The following NEIL3 variants were observed in gnomAD, a reference collection of about 807,000 sequenced individuals.
NEIL3 encodes the protein nei like DNA glycosylase 3.
A neutral mutation model predicts 57.5 loss-of-function variants in NEIL3; 48 were observed. That is an observed-to-expected ratio of 0.83 (90% CI 0.66 to 1.06). The LOEUF (loss-of-function observed/expected upper bound fraction) is 1.06, where lower values mean the gene tolerates loss of function less well. NEIL3 is among the 50% of genes least tolerant of loss of function. The pLI, the probability that NEIL3 is intolerant of heterozygous loss-of-function variation, is 0.00. For synonymous variants in NEIL3, 261 were observed against 253.2 expected (o/e 1.03, Z -0.29); for missense variants, 717 against 739.1 (o/e 0.97, Z 0.35).
chr4:177,341,365 T>C, intron 5 of NEIL3, 111 bp from the exon 6 acceptor site: 1 of 774,316 alleles, frequency 1.3e-6, no homozygotes, highest in Non-Finnish European at 2.0e-6. Context: ...TACAAACATA[T>C]GTAAATTTTT....
the NEIL3 span, among the ~76,000 whole-genome samples, chr4:177,369,263 A>C: frequency 6.6e-6 from 1 of 152,216 alleles, no homozygotes; most frequent in East Asian, 1.9e-4. Context: ...GAGGATTTGC[A>C]TACGTAGAAG....
intron 6 of NEIL3, among the ~76,000 whole-genome samples, chr4:177,349,184 G>C (rs922190157): frequency 1.3e-5 from 2 of 151,640 alleles, no homozygotes; most frequent in Non-Finnish European, 2.9e-5. Context: ...GCCCGGCCTC[G>C]TGGGTCATGA....
At chr4:177,336,532 C>T (rs1734983556) in intron 4 of NEIL3, among the ~76,000 whole-genome samples, 1 of 152,166 alleles carries the variant, frequency 6.6e-6, no homozygotes, top group Admixed American at 6.5e-5. Context: ...CCTCCCACTC[C>T]ACATTTCACT....
chr4:177,324,950 CAGATAGATAGATAGAT>C (rs56773423), intron 2 of NEIL3, among the ~76,000 whole-genome samples: 206 of 149,450 alleles, frequency 1.4e-3, no homozygotes, highest in Non-Finnish European at 2.4e-3. Context: ...ATTTAAAAAA[CAGATAGATAGATAGAT>C]AGATAGATAG....
chr4:177,365,037 CTT>C (rs963957919), downstream of NEIL3, among the ~76,000 whole-genome samples: 2 of 152,152 alleles, frequency 1.3e-5, no homozygotes, highest in Admixed American at 6.5e-5. Flanking sequence ...CATCAACACT[CTT>C]TAGAAGACTA....
chr4:177,360,494 T>C lies in NEIL3; in HGVS notation c.1461-9T>C. On this transcript the variant is annotated splice_polypyrimidine_tract_variant and intron_variant, in intron 8 of 9. Transcript: ENST00000264596. ...TATGCTGTACTTATTTTGTAACCTG[T>C]CATTACAGTGAACTTCAAATTAATA... is the stretch of plus-strand genomic sequence containing the variant. 1 of 1,611,486 alleles carries C rather than the reference T, an allele frequency of 6.2e-7. No homozygotes were observed. The highest frequency in any genetic ancestry group is 8.5e-7 in the Non-Finnish European group (1 of 1,178,250).
At chr4:177,338,142 A>T (rs1735015300) in intron 4 of NEIL3, among the ~76,000 whole-genome samples, 1 of 152,212 alleles carries the variant, frequency 6.6e-6, no homozygotes, top group Admixed American at 6.5e-5. Context: ...TTAATATAGT[A>T]TGTAAGATTT....
chr4:177,342,281 C>G (rs1327663427), intron 6 of NEIL3, among the ~76,000 whole-genome samples: 3 of 152,144 alleles, frequency 2.0e-5, no homozygotes, highest in African/African-American at 7.2e-5. Flanking sequence ...CTTGAAAAGT[C>G]TGATTATTTT....
intron 1 of NEIL3, among the ~76,000 whole-genome samples, chr4:177,311,297 A>G (rs557355930): frequency 4.9e-4 from 74 of 152,242 alleles, no homozygotes; most frequent in African/African-American, 1.7e-3. Flanking sequence ...AGAAATATAA[A>G]TTAATAAGTT....
downstream of NEIL3, among the ~76,000 whole-genome samples, chr4:177,367,210 A>AC: frequency 6.7e-6 from 1 of 149,784 alleles, no homozygotes; most frequent in Non-Finnish European, 1.5e-5. Flanking sequence ...TTGACAGGTG[A>AC]TTTTTTTCTC....
chr4:177,353,765 C>CTTT (rs377620463), intron 8 of NEIL3, 37 bp downstream of exon 8: 116 of 1,214,696 alleles, frequency 9.5e-5, no homozygotes, highest in Middle Eastern at 5.6e-4. Context: ...AAGATAATTG[C>CTTT]TTTTTTTTTT....
chr4:177,317,676 A>G (rs1021410598), intron 1 of NEIL3, among the ~76,000 whole-genome samples: 1 of 131,980 alleles, frequency 7.6e-6, no homozygotes, highest in African/African-American at 3.0e-5. Flanking sequence ...AGATCAGCTC[A>G]CTGCAGCCTC....
intron 7 of NEIL3, among the ~76,000 whole-genome samples, chr4:177,351,867 C>T (rs1390099536): frequency 6.6e-6 from 1 of 152,142 alleles, no homozygotes; most frequent in African/African-American, 2.4e-5. Flanking sequence ...CAGATTTCAG[C>T]AACTTTCGAG....
intron 1 of NEIL3, among the ~76,000 whole-genome samples, chr4:177,316,119 T>C (rs1734569636): frequency 6.6e-6 from 1 of 152,146 alleles, no homozygotes; most frequent in African/African-American, 2.4e-5. Flanking sequence ...CAATAACTAA[T>C]AATAGAACAG....
At chr4:177,350,033 T>TAAA (rs1470953128) in intron 6 of NEIL3, among the ~76,000 whole-genome samples, 1 of 152,204 alleles carries the variant, frequency 6.6e-6, no homozygotes, top group Non-Finnish European at 1.5e-5. Flanking sequence ...TGAGTGGCAT[T>TAAA]AAAAGTCAAG....
chr4:177,343,829 T>C (rs1352536970), intron 6 of NEIL3: 2 of 151,800 alleles, frequency 1.3e-5, no homozygotes, highest in East Asian at 3.9e-4. Context: ...ACTTTCATAG[T>C]TTTTTATGAA....
At chr4:177,347,357 C>G (rs900365247) in intron 6 of NEIL3, among the ~76,000 whole-genome samples, 4 of 152,152 alleles carry the variant, frequency 2.6e-5, no homozygotes, top group Non-Finnish European at 4.4e-5. Context: ...AAGGAGCATG[C>G]AGAGTCGGCT....
In NEIL3 at chr4:177,360,601, G is replaced by A. The variant is rs750608109; in HGVS notation, c.1559G>A (p.Gly520Glu). Residue 520 changes from glycine to glutamate, a missense_variant, in exon 9 of 10, where the codon GGG becomes GAG. Physicochemically the swap from Gly to Glu is moderately conservative, Grantham distance 98. Transcript: ENST00000264596. ...HNRLCILRVVGKDGENKGRQF... is the reference protein window; with the variant it reads ...HNRLCILRVVEKDGENKGRQF... ...CGCCTCTGCATTCTCCGAGTTGTGG[G>A]GAAGGATGGGGAAAACAAGGGCAGG... 1 of 1,614,082 alleles carries A rather than the reference G, an allele frequency of 6.2e-7. No individual in the cohort carries two copies. Among genetic ancestry groups the A allele is most frequent in the Non-Finnish European group, 8.5e-7 (1 of 1,179,938 alleles).
At chr4:177,364,870 G>T (rs528146011), downstream of NEIL3, among the ~76,000 whole-genome samples, 63 of 151,582 alleles carry the variant, frequency 4.2e-4, no homozygotes, top group Non-Finnish European at 7.8e-4. Context: ...GGAGGTTGCA[G>T]TGAGCTGAGA....
Sources: allele counts gnomAD v4.1 joint callset (sites outside exome capture counted in the v4.1 genomes callset), GRCh38; gene constraint gnomAD v4.1.1; transcripts MANE v1.5; gene names NCBI Gene and HGNC (gene_info 2026-07-23, HGNC 2026-07-21).